DPP6: variants seen among roughly 807,000 people sequenced by gnomAD.
DPP6 encodes A-type potassium channel modulatory protein DPP6.
DPP6 carries 69 observed loss-of-function variants against 122.6 expected under a neutral mutation model. That is an observed-to-expected ratio of 0.56 (90% CI 0.46 to 0.69). The LOEUF (loss-of-function observed/expected upper bound fraction) is 0.69. Ranked by LOEUF, DPP6 falls within the 30% of genes least tolerant of loss-of-function variation. The pLI, the probability that DPP6 is intolerant of heterozygous loss-of-function variation, is 0.00. For missense variants in DPP6, 928 were observed against 1,116.9 expected, an observed-to-expected ratio of 0.83 and a Z score of 2.41; for synonymous variants, 418 against 433.1, an observed-to-expected ratio of 0.97 and a Z score of 0.43.
chr7:153,985,998 T>G (rs1002698455), intron 1 of DPP6, among the ~76,000 whole-genome samples: 2 of 152,192 alleles, frequency 1.3e-5, no homozygotes, highest in Admixed American at 1.3e-4. Context: ...CCACACATTG[T>G]TTTAAAACCC....
the DPP6 span, among the ~76,000 whole-genome samples, chr7:153,778,825 A>G: frequency 1.1e-4 from 16 of 150,574 alleles, no homozygotes; most frequent in African/African-American, 4.0e-4. Context: ...CAGTAATTCT[A>G]TTCCTGAGTA....
intron 1 of DPP6, among the ~76,000 whole-genome samples, chr7:153,963,701 A>G (rs980572769): frequency 1.3e-5 from 2 of 152,158 alleles, no homozygotes; most frequent in Admixed American, 1.3e-4. Context: ...CATGTGCAAG[A>G]GATCTGGGTT....
intron 1 of DPP6, among the ~76,000 whole-genome samples, chr7:153,970,402 A>G (rs568647608): frequency 1.3e-5 from 2 of 152,278 alleles, no homozygotes; most frequent in East Asian, 1.9e-4. Flanking sequence ...TGTCAAATAA[A>G]TGTTTTTCAG....
chr7:154,631,594 G>A (rs1276969856), intron 5 of DPP6, among the ~76,000 whole-genome samples: 1 of 152,010 alleles, frequency 6.6e-6, no homozygotes, highest in Non-Finnish European at 1.5e-5. Flanking sequence ...TTGAGCATGG[G>A]AGGCAGTGGT....
intron 1 of DPP6, among the ~76,000 whole-genome samples, chr7:154,298,802 G>A (rs1805711672): frequency 6.6e-6 from 1 of 152,080 alleles, no homozygotes; most frequent in Non-Finnish European, 1.5e-5. Flanking sequence ...TCGAAGCCTG[G>A]GGGAGGGACA....
intron 6 of DPP6, among the ~76,000 whole-genome samples, chr7:154,640,370 A>T (rs1244829311): frequency 6.6e-6 from 1 of 152,212 alleles, no homozygotes; most frequent in East Asian, 1.9e-4. Flanking sequence ...TAGGGTTCTT[A>T]TAGGATTGAA....
At chr7:154,663,274 T>C (rs1348497938) in intron 6 of DPP6, among the ~76,000 whole-genome samples, 1 of 55,666 alleles carries the variant, frequency 1.8e-5, no homozygotes, top group Non-Finnish European at 5.6e-5. Flanking sequence ...AGTGTTCATA[T>C]AGTCATGGTG....
intron 17 of DPP6, 63 bp downstream of exon 17, chr7:154,853,890 T>A: frequency 1.2e-6 from 2 of 1,601,994 alleles, no homozygotes; most frequent in East Asian, 2.2e-5. Flanking sequence ...CAAAACACTC[T>A]ATGAGATCAG....
intron 1 of DPP6, among the ~76,000 whole-genome samples, chr7:154,042,314 T>C: frequency 6.6e-6 from 1 of 152,192 alleles, no homozygotes; most frequent in Non-Finnish European, 1.5e-5. Flanking sequence ...AGAAGGGATA[T>C]GGGTGCAGCA....
chr7:153,987,636 C>T lies in DPP6; in HGVS notation c.51+99902C>T, dbSNP rs1383094743. Among the ~76,000 whole-genome samples, 23 of 151,970 alleles carry T rather than the reference C, an allele frequency of 1.5e-4. No homozygotes were observed. In the South Asian group the frequency reaches 3.1e-3, roughly 21 times the overall value. On this transcript the variant is annotated intron_variant, in intron 1 of 25. Transcript: ENST00000404039. ...GACGGGGAAATTGACGTAGGAGCAG[C>T]GTGAGGTAGAGTGGCATGCTGACCA...
intron 6 of DPP6, among the ~76,000 whole-genome samples, chr7:154,649,579 C>G (rs1222334424): frequency 1.3e-5 from 2 of 152,200 alleles, no homozygotes; most frequent in Non-Finnish European, 2.9e-5. Flanking sequence ...TGGAATCCAC[C>G]ATGCCCTGGG....
At chr7:153,833,281 A>G in the DPP6 span, among the ~76,000 whole-genome samples, 9 of 152,090 alleles carry the variant, frequency 5.9e-5, no homozygotes, top group Non-Finnish European at 2.9e-5. Flanking sequence ...ACCCAACTCC[A>G]CTCATGTCAT....
At chr7:153,920,987 C>T (rs796740599) in intron 1 of DPP6, among the ~76,000 whole-genome samples, 16 of 152,346 alleles carry the variant, frequency 1.1e-4, no homozygotes, top group African/African-American at 3.1e-4. Flanking sequence ...TCTACCCACA[C>T]GATCCTGAAG....
At chr7:153,985,907 T>C (rs908776440) in intron 1 of DPP6, among the ~76,000 whole-genome samples, 2 of 152,214 alleles carry the variant, frequency 1.3e-5, no homozygotes, top group African/African-American at 4.8e-5. Flanking sequence ...GGCAACAGTT[T>C]GGGGCCAGGA....
At chr7:153,796,407 T>A in the DPP6 span, among the ~76,000 whole-genome samples, 1 of 144,348 alleles carries the variant, frequency 6.9e-6, no homozygotes, top group Non-Finnish European at 1.5e-5. Flanking sequence ...CTTTATCTGA[T>A]ATTAACGTGC....
intron 5 of DPP6, among the ~76,000 whole-genome samples, chr7:154,617,225 G>T (rs1834318926): frequency 6.6e-6 from 1 of 152,180 alleles, no homozygotes; most frequent in African/African-American, 2.4e-5. Context: ...GGACAGAAGG[G>T]CAGGGAAGCA....
rs369501586 is a variant in DPP6, at chr7:154,466,295, G to A, written c.359-8644G>A. The stretch of plus-strand genomic sequence containing the variant: ...GGTGTGGCAAACCACCATGGCACAT[G>A]TATACCTATATAACACACCTGCACA... On this transcript the variant is annotated intron_variant, in intron 2 of 25. Transcript: ENST00000377770. Among the ~76,000 whole-genome samples the A allele has an allele frequency of 1.2e-4, 18 of 152,258 alleles. No individual in the cohort carries two copies. In the East Asian group the frequency reaches 3.1e-3, roughly 26 times the overall value.
intron 1 of DPP6, among the ~76,000 whole-genome samples, chr7:154,291,218 C>A (rs1242085734): frequency 6.6e-6 from 1 of 152,168 alleles, no homozygotes; most frequent in Non-Finnish European, 1.5e-5. Context: ...TCACCACCAC[C>A]CTAACATTAC....
intron 1 of DPP6, among the ~76,000 whole-genome samples, chr7:154,311,971 C>T (rs1359279236): frequency 1.3e-5 from 2 of 152,104 alleles, no homozygotes; most frequent in Non-Finnish European, 2.9e-5. Context: ...TGATAAAACC[C>T]AATGCAATTA....
Sources: allele counts gnomAD v4.1 joint callset (sites outside exome capture counted in the v4.1 genomes callset), GRCh38; gene constraint gnomAD v4.1.1; transcripts MANE v1.5; gene names NCBI Gene and HGNC (gene_info 2026-07-23, HGNC 2026-07-21).